Variants in NLGN4Y observed in about 807,000 individuals in gnomAD.
NLGN4Y encodes neuroligin 4 Y-linked.
NLGN4Y carries 4 observed loss-of-function variants against 8.4 expected under a neutral mutation model. The ratio of observed to expected loss-of-function variants is 0.48; its 90% CI spans 0.23 to 1.09. The LOEUF is 1.09. NLGN4Y is among the 50% of genes least tolerant of loss of function. NLGN4Y has a pLI of 0.19. For missense variants in NLGN4Y, 90 were observed against 192.3 expected (o/e 0.47, Z 3.15); for synonymous variants, 35 against 75.6 (o/e 0.46, Z 2.78).
intron 5 of NLGN4Y, among the ~76,000 whole-genome samples, chrY:14,825,743 A>G (rs2043143380): frequency 3.1e-5 from 1 of 32,060 alleles, no homozygotes; most frequent in Non-Finnish European, 7.5e-5. Context: ...TGGGAGCTCC[A>G]AACCCTCCCT....
chrY:14,712,727 G>A, intron 2 of NLGN4Y, among the ~76,000 whole-genome samples: 1 of 33,283 alleles, frequency 3.0e-5, no homozygotes, highest in East Asian at 8.0e-4. Flanking sequence ...CTTTTTCAGC[G>A]TGGCTATGTA....
intron 1 of NLGN4Y, among the ~76,000 whole-genome samples, chrY:14,527,377 G>A: frequency 2.9e-5 from 1 of 34,063 alleles, no homozygotes; most frequent in Non-Finnish European, 7.3e-5. Flanking sequence ...CAAATATGGT[G>A]AGAGCCGGTC....
intron 5 of NLGN4Y, among the ~76,000 whole-genome samples, chrY:14,825,693 C>A (rs554094253): frequency 3.3e-3 from 103 of 31,644 alleles, no homozygotes; most frequent in African/African-American, 0.011. Flanking sequence ...AAGAACCTCC[C>A]TGCTGGGCCA....
intron 1 of NLGN4Y, among the ~76,000 whole-genome samples, chrY:14,617,817 G>C: frequency 6.2e-5 from 2 of 32,253 alleles, no homozygotes; most frequent in Non-Finnish European, 1.5e-4. Flanking sequence ...AATCTAGAGA[G>C]GCAGTCTGGC....
chrY:14,541,622 C>A (rs2080149411), intron 1 of NLGN4Y, among the ~76,000 whole-genome samples: 2 of 33,854 alleles, frequency 5.9e-5, no homozygotes, highest in African/African-American at 2.3e-4. Flanking sequence ...AGAAACACTG[C>A]AAGCCAGAAG....
At chrY:14,813,454 A>C in intron 4 of NLGN4Y, among the ~76,000 whole-genome samples, 2 of 33,539 alleles carry the variant, frequency 6.0e-5, no homozygotes. Context: ...ATAGTTTGGC[A>C]TTTAGGGGCT....
intron 1 of NLGN4Y, among the ~76,000 whole-genome samples, chrY:14,609,753 T>G: frequency 3.0e-5 from 1 of 33,540 alleles, no homozygotes; most frequent in Non-Finnish European, 7.4e-5. Flanking sequence ...GGAGTCCCTG[T>G]TTTTCTATTG....
intron 2 of NLGN4Y, among the ~76,000 whole-genome samples, chrY:14,656,170 T>C (rs1603502168): frequency 1.8e-4 from 6 of 33,444 alleles, no homozygotes; most frequent in African/African-American, 4.7e-4. Flanking sequence ...GTCTTTTCCC[T>C]CACACATGCT....
In NLGN4Y at chrY:14,622,274, A is replaced by G; in HGVS notation, c.155A>G (p.Tyr52Cys). ...CAGTATCCAGTTGTCAACACAAATT[A>G]TGGTAAAATCCAGGGCCTAAGAACA... Reference protein sequence around the residue: ...QAQYPVVNTNYGKIQGLRTPL... With the variant: ...QAQYPVVNTNCGKIQGLRTPL... Residue 52 changes from tyrosine (Y) to cysteine (C), a missense_variant, in exon 2 of 7, where the codon TAT becomes TGT. By Grantham distance (194) the Tyr-to-Cys change is radical (BLOSUM62 -2). This residue lies in a region of NLGN4Y where 37 missense variants were observed against 38.5 expected (regional missense o/e 0.96). Transcript: ENST00000684976. The G allele has an allele frequency of 2.5e-6, 1 of 399,050 alleles. No homozygotes were observed. Among genetic ancestry groups the G allele is most frequent in the East Asian group, 9.2e-5 (1 of 10,861 alleles).
At chrY:14,743,258 C>T in intron 4 of NLGN4Y, among the ~76,000 whole-genome samples, 1 of 32,903 alleles carries the variant, frequency 3.0e-5, no homozygotes, top group African/African-American at 1.2e-4. Flanking sequence ...CTTCAGGAGG[C>T]CAAGGCAGGT....
intron 1 of NLGN4Y, among the ~76,000 whole-genome samples, chrY:14,536,546 C>T (rs2080135779): frequency 3.1e-5 from 1 of 32,267 alleles, no homozygotes; most frequent in African/African-American, 1.2e-4. Flanking sequence ...CGCACCCAGC[C>T]GAAGGTTTTT....
At chrY:14,708,300 T>G (rs761320956) in intron 2 of NLGN4Y, among the ~76,000 whole-genome samples, 9 of 33,383 alleles carry the variant, frequency 2.7e-4, no homozygotes, top group Non-Finnish European at 4.4e-4. Flanking sequence ...GGTATGACTG[T>G]GACTATTATA....
chrY:14,546,096 G>A lies in NLGN4Y; in HGVS notation c.-112+21388G>A, dbSNP rs749061154. 5.8e-3 allele frequency among the ~76,000 whole-genome samples: 189 copies of A among 32,353 alleles called. No homozygotes were observed. In the Middle Eastern group the frequency reaches 0.19, roughly 33 times the overall value. The allele number at this position is 32,353 out of a possible 37,273, so 86.8% of individuals were successfully genotyped here. ...AAGATCAGATAGTTGTATATATGCG[G>A]CATTATTTCTGACGGCTCTGTTCTG... On this transcript the variant is annotated intron_variant, in intron 1 of 6. Transcript: ENST00000684976.
At chrY:14,549,206 A>G (rs2080182952) in intron 1 of NLGN4Y, among the ~76,000 whole-genome samples, 1 of 32,853 alleles carries the variant, frequency 3.0e-5, no homozygotes, top group Admixed American at 2.8e-4. Flanking sequence ...CCCCAATGTA[A>G]ATCACTTTCA....
At chrY:14,598,274 C>T in intron 1 of NLGN4Y, among the ~76,000 whole-genome samples, 2 of 34,461 alleles carry the variant, frequency 5.8e-5, no homozygotes, top group Admixed American at 5.1e-4. Flanking sequence ...AGGCTCGGGC[C>T]ACACAGGAGC....
chrY:14,572,721 A>G, intron 1 of NLGN4Y, among the ~76,000 whole-genome samples: 1 of 33,105 alleles, frequency 3.0e-5, no homozygotes, highest in Non-Finnish European at 7.4e-5. Flanking sequence ...TCAGTATGAT[A>G]TTGGCTGTGG....
chrY:14,676,936 C>T, intron 2 of NLGN4Y, among the ~76,000 whole-genome samples: 1 of 33,272 alleles, frequency 3.0e-5, no homozygotes, highest in African/African-American at 1.2e-4. Context: ...ACATCCCTAG[C>T]TATGTGCTTT....
intron 4 of NLGN4Y, among the ~76,000 whole-genome samples, chrY:14,817,386 G>A: frequency 9.0e-5 from 3 of 33,279 alleles, no homozygotes; most frequent in Non-Finnish European, 2.2e-4. Flanking sequence ...GTGATCCCAA[G>A]GAACGTCTGC....
chrY:14,802,905 AATT>A (rs2043042327), intron 4 of NLGN4Y, among the ~76,000 whole-genome samples: 1 of 22,770 alleles, frequency 4.4e-5, no homozygotes, highest in African/African-American at 1.7e-4. Context: ...TATAATATGA[AATT>A]ATTATATGTA....
Sources: allele counts gnomAD v4.1 joint callset (sites outside exome capture counted in the v4.1 genomes callset), GRCh38; gene constraint gnomAD v4.1.1; regional missense constraint gnomAD v4.1.1; transcripts MANE v1.5; gene names NCBI Gene and HGNC (gene_info 2026-07-23, HGNC 2026-07-21).